PHLDB1: variants seen among roughly 807,000 people sequenced by gnomAD.
PHLDB1 encodes pleckstrin homology like domain family B member 1.
In PHLDB1, 65 loss-of-function variants were observed where a neutral mutation model predicts 139.3. The ratio of observed to expected loss-of-function variants is 0.47; its 90% CI spans 0.38 to 0.57. The LOEUF (loss-of-function observed/expected upper bound fraction) is 0.57. PHLDB1 is among the 20% of genes least tolerant of loss of function. PHLDB1 has a pLI of 0.00. For missense variants in PHLDB1, 1,624 were observed against 1,839.7 expected, an observed-to-expected ratio of 0.88 and a Z score of 2.14; for synonymous variants, 679 against 734.5, an observed-to-expected ratio of 0.92 and a Z score of 1.22.
Position 118,647,910 on chromosome 11 carries a change from C to A in PHLDB1, c.3508-20C>A. ...GGAAGAGGATGGCCATAGGTGCTGA[C>A]CCCTTGGCTTTGGGGGCAGGAGCGG... On this transcript the variant is annotated intron_variant, in intron 17 of 22. Transcript: ENST00000600882. 6.4e-7 allele frequency: 1 copy of A among 1,555,336 alleles called. No individual in the cohort carries two copies. The highest frequency in any genetic ancestry group is 8.7e-7 in the Non-Finnish European group (1 of 1,150,066).
At chr11:118,648,495 G>T (rs1309019848) in intron 18 of PHLDB1, among the ~76,000 whole-genome samples, 1 of 151,946 alleles carries the variant, frequency 6.6e-6, no homozygotes, top group African/African-American at 2.4e-5. Context: ...ATGAGCCTGC[G>T]CTGCACCTTC....
chr11:118,644,601 C>G (rs535173982), intron 15 of PHLDB1: 7 of 1,223,576 alleles, frequency 5.7e-6, no homozygotes, highest in Admixed American at 2.6e-5. Flanking sequence ...CCTCTTACCC[C>G]CTCTGTGTCT....
chr11:118,636,167 T>C (rs1401632315), intron 10 of PHLDB1, among the ~76,000 whole-genome samples: 1 of 151,964 alleles, frequency 6.6e-6, no homozygotes, highest in East Asian at 1.9e-4. Flanking sequence ...GAGGTATGTG[T>C]TAGTAAGGGT....
intron 1 of PHLDB1, among the ~76,000 whole-genome samples, chr11:118,612,326 TATTA>T (rs1940613240): frequency 1.3e-5 from 2 of 152,150 alleles, no homozygotes; most frequent in South Asian, 4.1e-4. Flanking sequence ...CACCATTATT[TATTA>T]TTTTGTTTTT....
chr11:118,656,923 C>T lies in PHLDB1; in HGVS notation c.*100C>T. On this transcript the variant is annotated 3_prime_UTR_variant, in exon 23 of 23. Coordinates refer to ENST00000600882, the MANE Select transcript of PHLDB1 (RefSeq NM_001144758.3). ...GTCCTGTGAGTTTCTGGGCTCTGGCCTCCTGAAGAACCAGCCAGAAGAAGA... is the reference window on the plus strand; with the variant it reads ...GTCCTGTGAGTTTCTGGGCTCTGGCTTCCTGAAGAACCAGCCAGAAGAAGA... 1.8e-6 allele frequency: 2 copies of T among 1,086,610 alleles called. No homozygotes were observed. The highest frequency in any genetic ancestry group is 2.5e-5 in the East Asian group (1 of 40,774). The allele number at this position is 1,086,610 out of a possible 1,614,324, so 67.3% of individuals were successfully genotyped here.
In PHLDB1 at chr11:118,615,213, A is replaced by G. The variant is rs1039698654; in HGVS notation, c.184+531A>G. 4 of 152,114 alleles carry G rather than the reference A, an allele frequency of 2.6e-5. No homozygotes were observed. In the East Asian group the frequency reaches 5.8e-4, roughly 22 times the overall value. 9.4% of individuals were successfully genotyped at this position (152,114 alleles called of 1,614,324 possible). ...CTATCTCAAAAAAAAAAAAAAAAAA[A>G]AAAAAGAAGAAGAAAAGAAACCATG... On this transcript the variant is annotated intron_variant, in intron 3 of 22. Coordinates refer to ENST00000600882, the MANE Select transcript of PHLDB1 (RefSeq NM_001144758.3).
At chr11:118,629,653 TGTGTTGGATGGGG>T (rs1379798581) in intron 6 of PHLDB1, among the ~76,000 whole-genome samples, 1 of 152,204 alleles carries the variant, frequency 6.6e-6, no homozygotes, top group Non-Finnish European at 1.5e-5. Flanking sequence ...ATTGTGTGTT[TGTGTTGGATGGGG>T]GTGAGATGAG....
intron 9 of PHLDB1, 174 bp from the exon 10 acceptor site, chr11:118,635,219 C>T (rs149121996): frequency 2.7e-6 from 2 of 744,370 alleles, no homozygotes; most frequent in Non-Finnish European, 4.5e-6. Context: ...CGCTCCAGGC[C>T]ATGATGCCCG....
At position 118,607,630 on chromosome 11, in the gene PHLDB1, C is replaced by T. The variant is rs1939381911; in HGVS notation, c.-91C>T. The stretch of plus-strand genomic sequence containing the variant: ...GAAAAGCAACGGTGTCCTCCTAAGC[C>T]TGAGGCCACCGCGACCGAGCCGAGC... On this transcript the variant is annotated 5_prime_UTR_variant, in exon 1 of 23. Transcript: ENST00000600882. The T allele has an allele frequency of 6.6e-6, 1 of 152,120 alleles. No homozygotes were observed. Among genetic ancestry groups the T allele is most frequent in the African/African-American group, 2.4e-5 (1 of 41,322 alleles). 9.4% of individuals were successfully genotyped at this position (152,120 alleles called of 1,614,324 possible). A position where few individuals can be genotyped will look rare whatever the true frequency, so the allele number is the denominator to read the frequency against.
rs782654049 is a variant in PHLDB1 at position 118,627,356 on chromosome 11, G to A, written c.533G>A (p.Arg178Gln). 1.7e-5 allele frequency: 28 copies of A among 1,613,942 alleles called. No individual in the cohort carries two copies. The highest frequency in any genetic ancestry group is 2.2e-5 in the Non-Finnish European group (26 of 1,179,930). Reference sequence around the variant, plus strand: ...AACCACACCCCACAGACTGCAACACGGGGACCCTCTGCCTGTGCCAGCCAC... The same window carrying A: ...AACCACACCCCACAGACTGCAACACAGGGACCCTCTGCCTGTGCCAGCCAC... ...NGNHTPQTAT[R>Q]GPSACASHSS... The change falls in exon 6 of 23, where the codon CGG becomes CAG. Residue 178 changes from arginine (R) to glutamine (Q), a missense_variant. Arg to Gln is a conservative substitution (Grantham distance 43, BLOSUM62 1). Coordinates refer to ENST00000600882, the MANE Select transcript of PHLDB1 (RefSeq NM_001144758.3).
chr11:118,641,486 G>C, intron 12 of PHLDB1: 2 of 418,426 alleles, frequency 4.8e-6, no homozygotes, highest in Non-Finnish European at 7.7e-6. Context: ...AGAGGACTCT[G>C]GCTTTCCTAG....
intron 13 of PHLDB1, 141 bp from the exon 14 acceptor site, chr11:118,643,659 T>C (rs564123647): frequency 9.8e-5 from 152 of 1,543,318 alleles, no homozygotes; most frequent in Middle Eastern, 2.1e-4. Context: ...TTGGGCTGGC[T>C]CAGGAGGCTT....
intron 1 of PHLDB1, chr11:118,613,550 A>G (rs781945444): frequency 3.3e-5 from 27 of 808,056 alleles, no homozygotes; most frequent in Admixed American, 8.2e-5. Flanking sequence ...GCACAGAAGT[A>G]TAGATTGGGC....
intron 1 of PHLDB1, among the ~76,000 whole-genome samples, chr11:118,612,533 G>A (rs1228873444): frequency 6.6e-6 from 1 of 152,122 alleles, no homozygotes; most frequent in African/African-American, 2.4e-5. Flanking sequence ...GGTTAATGGC[G>A]TTTTCCCTCC....
At position 118,608,767 on chromosome 11, in the gene PHLDB1, C is replaced by T. The variant is rs1939580587; in HGVS notation, c.-22+1068C>T. Among the ~76,000 whole-genome samples the T allele has an allele frequency of 6.6e-6, 1 of 152,190 alleles. No homozygotes were observed. The highest frequency in any genetic ancestry group is 6.5e-5 in the Admixed American group (1 of 15,282). ...CACGCCACCCAGACACACCCGGACC[C>T]GCCCACACGCCGAGGCCTTCCCACG... is the stretch of plus-strand genomic sequence containing the variant. On this transcript the variant is annotated intron_variant, in intron 1 of 22. Coordinates refer to ENST00000600882, the MANE Select transcript of PHLDB1 (RefSeq NM_001144758.3). This position sits in a 1 kb window ranked among gnomAD's most constrained non-coding sequence, Gnocchi z 6.7.
At chr11:118,653,978 C>G (rs1384608082) in intron 20 of PHLDB1, 1 of 152,166 alleles carries the variant, frequency 6.6e-6, no homozygotes, top group African/African-American at 2.4e-5. Flanking sequence ...GTGAGAAGCT[C>G]AGATAGGACT....
At position 118,608,644 on chromosome 11, in the gene PHLDB1, C is replaced by T. The variant is rs1489307336; in HGVS notation, c.-22+945C>T. Among the ~76,000 whole-genome samples, 1 of 152,164 alleles carries T rather than the reference C, an allele frequency of 6.6e-6. No homozygotes were observed. Among genetic ancestry groups the T allele is most frequent in the African/African-American group, 2.4e-5 (1 of 41,428 alleles). On this transcript the variant is annotated intron_variant, in intron 1 of 22. Coordinates refer to ENST00000600882, the MANE Select transcript of PHLDB1 (RefSeq NM_001144758.3). The surrounding 1 kb of genome is among the most constrained non-coding windows in gnomAD (Gnocchi z 6.7). Reference sequence around the variant, plus strand: ...CTCATCGGGCGGCGGGCTCACCCCCCAGCCGTCAAACGCAAACGCAGGCGC... The same window carrying T: ...CTCATCGGGCGGCGGGCTCACCCCCTAGCCGTCAAACGCAAACGCAGGCGC...
intron 6 of PHLDB1, among the ~76,000 whole-genome samples, chr11:118,629,597 A>G (rs1391569069): frequency 6.6e-6 from 1 of 152,172 alleles, no homozygotes; most frequent in Non-Finnish European, 1.5e-5. Flanking sequence ...AAGCATCTGG[A>G]GATGCTTTTG....
At chr11:118,656,093 C>G (rs1188589620) in intron 22 of PHLDB1, among the ~76,000 whole-genome samples, 3 of 151,028 alleles carry the variant, frequency 2.0e-5, no homozygotes, top group Non-Finnish European at 4.4e-5. Flanking sequence ...GAAATGACAG[C>G]AGACCCCATG....
Sources: allele counts gnomAD v4.1 joint callset (sites outside exome capture counted in the v4.1 genomes callset), GRCh38; gene constraint gnomAD v4.1.1; non-coding constraint Gnocchi (gnomAD v3.1); transcripts MANE v1.5; gene names NCBI Gene and HGNC (gene_info 2026-07-23, HGNC 2026-07-21).